SLC8A1: variants seen among roughly 807,000 people sequenced by gnomAD.
SLC8A1 encodes the protein solute carrier family 8 member A1.
Under a neutral mutation model 68.3 loss-of-function variants are expected in SLC8A1, and 18 were observed. The ratio of observed to expected loss-of-function variants is 0.26; its 90% CI spans 0.18 to 0.39. The LOEUF (loss-of-function observed/expected upper bound fraction) is 0.39, where lower values mean the gene tolerates loss of function less well. SLC8A1 is among the 10% of genes least tolerant of loss of function. SLC8A1 has a pLI of 1.00. For synonymous variants in SLC8A1, 475 were observed against 415.5 expected, an observed-to-expected ratio of 1.14 and a Z score of -1.74; for missense variants, 985 against 1,156.7, an observed-to-expected ratio of 0.85 and a Z score of 2.15.
At chr2:40,199,872 G>C (rs1453142022) in intron 2 of SLC8A1, among the ~76,000 whole-genome samples, 3 of 151,246 alleles carry the variant, frequency 2.0e-5, no homozygotes, top group Non-Finnish European at 4.4e-5. Context: ...GGCCATATTT[G>C]GCAAAGGCAA....
chr2:40,132,269 C>T (rs150204309), intron 7 of SLC8A1, among the ~76,000 whole-genome samples: 2 of 152,178 alleles, frequency 1.3e-5, no homozygotes, highest in East Asian at 3.9e-4. Flanking sequence ...ATGGATTCCA[C>T]AGTTTACCAT....
intron 2 of SLC8A1, among the ~76,000 whole-genome samples, chr2:40,321,027 T>C (rs958233119): frequency 2.6e-5 from 4 of 152,156 alleles, no homozygotes; most frequent in African/African-American, 9.7e-5. Flanking sequence ...GAAGAGGCTG[T>C]AAACTCCCTG....
chr2:40,185,149 T>C (rs7562916), intron 2 of SLC8A1, among the ~76,000 whole-genome samples: 19,218 of 152,198 alleles, frequency 0.13, 1,329 homozygotes, highest in African/African-American at 0.16. Context: ...AACCCTCATA[T>C]GCTGCTAATA....
At chr2:40,321,358 T>C (rs985089778) in intron 2 of SLC8A1, among the ~76,000 whole-genome samples, 8 of 152,130 alleles carry the variant, frequency 5.3e-5, no homozygotes, top group African/African-American at 1.9e-4. Flanking sequence ...ACTGGGATTA[T>C]ATTTTTCAGA....
intron 2 of SLC8A1, among the ~76,000 whole-genome samples, chr2:40,347,614 T>A (rs1669756011): frequency 6.6e-6 from 1 of 152,246 alleles, no homozygotes; most frequent in African/African-American, 2.4e-5. Context: ...TGATTTACCT[T>A]TAGTGGTACT....
chr2:40,277,755 C>A (rs747434754), intron 2 of SLC8A1, among the ~76,000 whole-genome samples: 1 of 136,502 alleles, frequency 7.3e-6, no homozygotes, highest in Non-Finnish European at 1.5e-5. Context: ...AAGCAATATA[C>A]GTACATATAA....
chr2:40,309,016 T>G (rs1217534628), intron 2 of SLC8A1, among the ~76,000 whole-genome samples: 1 of 152,146 alleles, frequency 6.6e-6, no homozygotes, highest in Non-Finnish European at 1.5e-5. Context: ...TCATGCAACC[T>G]AAAATGCTTA....
chr2:40,237,071 C>CA (rs2060493595), intron 2 of SLC8A1, among the ~76,000 whole-genome samples: 2 of 151,732 alleles, frequency 1.3e-5, no homozygotes, highest in Non-Finnish European at 2.9e-5. Context: ...GTGAATCTGA[C>CA]AATTATGTGT....
intron 2 of SLC8A1, among the ~76,000 whole-genome samples, chr2:40,363,380 AAC>A (rs1196433580): frequency 4.6e-5 from 7 of 152,136 alleles, no homozygotes; most frequent in Non-Finnish European, 8.8e-5. Flanking sequence ...CATTTACTTA[AAC>A]AGTTATTTTG....
chr2:40,458,120 A>G (rs1703131893), intron 1 of SLC8A1, among the ~76,000 whole-genome samples: 1 of 152,208 alleles, frequency 6.6e-6, no homozygotes, highest in African/African-American at 2.4e-5. Flanking sequence ...CAAATAGCTA[A>G]TTTGTGGCAA....
At chr2:40,186,591 G>T (rs1179814460) in intron 2 of SLC8A1, among the ~76,000 whole-genome samples, 2 of 152,096 alleles carry the variant, frequency 1.3e-5, no homozygotes, top group Non-Finnish European at 2.9e-5. Flanking sequence ...GATATTTTGG[G>T]CATGGATTCA....
intron 2 of SLC8A1, among the ~76,000 whole-genome samples, chr2:40,302,218 C>G (rs959122606): frequency 6.6e-6 from 1 of 151,966 alleles, no homozygotes; most frequent in Non-Finnish European, 1.5e-5. Context: ...TCTTTTATCC[C>G]TCACTTCCCT....
intron 2 of SLC8A1, among the ~76,000 whole-genome samples, chr2:40,290,231 C>T (rs2069055294): frequency 6.7e-6 from 1 of 150,210 alleles, no homozygotes; most frequent in African/African-American, 2.5e-5. Context: ...ATGGGAAACG[C>T]AGTACGAAAG....
chr2:40,488,713 T>G (rs1705128024), intron 1 of SLC8A1, among the ~76,000 whole-genome samples: 1 of 152,162 alleles, frequency 6.6e-6, no homozygotes, highest in Non-Finnish European at 1.5e-5. Flanking sequence ...GTTATTTAAA[T>G]TCACATGAGT....
intron 2 of SLC8A1, among the ~76,000 whole-genome samples, chr2:40,271,702 A>G (rs2066051553): frequency 6.6e-6 from 1 of 152,206 alleles, no homozygotes; most frequent in Admixed American, 6.5e-5. Flanking sequence ...GAATGAATAA[A>G]TTCAATGTAT....
At chr2:40,449,451 G>C (rs866168044) in intron 1 of SLC8A1, among the ~76,000 whole-genome samples, 3 of 152,178 alleles carry the variant, frequency 2.0e-5, no homozygotes, top group Middle Eastern at 3.4e-3. Context: ...AAGTTCTCTT[G>C]GAATATATTT....
At chr2:40,414,134 T>C (rs921853803) in intron 2 of SLC8A1, among the ~76,000 whole-genome samples, 1 of 152,214 alleles carries the variant, frequency 6.6e-6, no homozygotes, top group Non-Finnish European at 1.5e-5. Context: ...AAGCATTTTA[T>C]GAAATGAAAC....
chr2:40,195,703 G>A (rs534110637), intron 2 of SLC8A1: 33 of 152,174 alleles, frequency 2.2e-4, no homozygotes, highest in African/African-American at 7.5e-4. Context: ...TTTAATCCAA[G>A]TCATGATGGG....
chr2:40,118,644 G>T, intron 7 of SLC8A1: 1 of 120,124 alleles, frequency 8.3e-6, no homozygotes, highest in South Asian at 2.9e-4. Flanking sequence ...TTTAAGGTCA[G>T]GCAGTGGAAC....
Sources: gnomAD v4.1 joint callset for allele counts (sites outside exome capture counted in the v4.1 genomes callset) on GRCh38, gnomAD v4.1.1 for gene constraint, MANE v1.5 for transcripts, NCBI Gene and HGNC (gene_info 2026-07-23, HGNC 2026-07-21) for gene names.